GNA13: variants seen among roughly 807,000 people sequenced by gnomAD.
The protein encoded by GNA13 is G protein subunit alpha 13.
In GNA13, 4 loss-of-function variants were observed where a neutral mutation model predicts 33.5. That is an observed-to-expected ratio of 0.12 (90% CI 0.06 to 0.27). The LOEUF (loss-of-function observed/expected upper bound fraction) is 0.27. GNA13 is among the 10% of genes least tolerant of loss of function. The pLI is 1.00. For missense variants in GNA13, 319 were observed against 487.2 expected, an observed-to-expected ratio of 0.65 and a Z score of 3.25; for synonymous variants, 176 against 183.8, an observed-to-expected ratio of 0.96 and a Z score of 0.34.
At chr17:65,021,880 C>A (rs1862066182) in intron 2 of GNA13, among the ~76,000 whole-genome samples, 1 of 152,170 alleles carries the variant, frequency 6.6e-6, no homozygotes, top group South Asian at 2.1e-4. Flanking sequence ...AGCAATTTGG[C>A]AATATGTATT....
At chr17:65,028,407 CAAAA>C (rs1184832409) in intron 2 of GNA13, among the ~76,000 whole-genome samples, 1 of 54,104 alleles carries the variant, frequency 1.8e-5, no homozygotes, top group Non-Finnish European at 4.0e-5. Context: ...AGGCTGTCTC[CAAAA>C]AAAAAAAAAA....
In GNA13 at chr17:65,045,981, A is replaced by C. The variant is rs1416939711; in HGVS notation, c.510+7521T>G. Among the ~76,000 whole-genome samples, 8 of 152,224 alleles carry C rather than the reference A, an allele frequency of 5.3e-5. No individual in the cohort carries two copies. In the East Asian group the frequency reaches 1.5e-3, roughly 29 times the overall value. On this transcript the variant is annotated intron_variant, in intron 2 of 3. Coordinates refer to ENST00000439174, the MANE Select transcript of GNA13 (RefSeq NM_006572.6). ...TGGCCAGAGCTGTGGACTAGGAGTCAGCAGATTGGGACTGCGGTGTCTATT... is the reference window on the plus strand; with the variant it reads ...TGGCCAGAGCTGTGGACTAGGAGTCCGCAGATTGGGACTGCGGTGTCTATT...
At chr17:65,040,053 G>A (rs1439117288) in intron 2 of GNA13, among the ~76,000 whole-genome samples, 1 of 151,786 alleles carries the variant, frequency 6.6e-6, no homozygotes, top group African/African-American at 2.4e-5. Context: ...ACCAGAAAAA[G>A]TATTTCTATA....
intron 2 of GNA13, among the ~76,000 whole-genome samples, chr17:65,028,714 GA>G (rs1906893861): frequency 6.6e-6 from 1 of 152,060 alleles, no homozygotes; most frequent in African/African-American, 2.4e-5. Context: ...AGGTCACCAA[GA>G]AAGATGAAAG....
chr17:65,014,212 C>A lies in GNA13; in HGVS notation c.*45G>T. ...TTTAAAAAACAAAACAAACAGAAAACATCAAAAACACAAAAAGATATTAAA... is the reference window on the plus strand; with the variant it reads ...TTTAAAAAACAAAACAAACAGAAAAAATCAAAAACACAAAAAGATATTAAA... On this transcript the variant is annotated 3_prime_UTR_variant, in exon 4 of 4. Coordinates refer to ENST00000439174, the MANE Select transcript of GNA13 (RefSeq NM_006572.6). The surrounding 1 kb of genome is among the most constrained non-coding windows in gnomAD (Gnocchi z 5.3). The A allele has an allele frequency of 8.8e-7, 1 of 1,142,522 alleles. No homozygotes were observed. The highest frequency in any genetic ancestry group is 1.4e-5 in the South Asian group (1 of 71,616). 70.8% of individuals were successfully genotyped at this position (1,142,522 alleles called of 1,614,324 possible). A position where few individuals can be genotyped will look rare whatever the true frequency, so the allele number is the denominator to read the frequency against.
intron 2 of GNA13, among the ~76,000 whole-genome samples, chr17:65,020,534 C>T (rs1366412679): frequency 6.6e-6 from 1 of 152,090 alleles, no homozygotes; most frequent in Non-Finnish European, 1.5e-5. Flanking sequence ...ACGTTCTTTG[C>T]TAATAAATAA....
intron 2 of GNA13, among the ~76,000 whole-genome samples, chr17:65,038,077 C>T (rs796865587): frequency 5.3e-5 from 8 of 152,226 alleles, no homozygotes; most frequent in African/African-American, 1.7e-4. Context: ...CCTCAACAAA[C>T]CCATCACTTA....
chr17:65,020,549 T>C (rs192420042), intron 2 of GNA13, among the ~76,000 whole-genome samples: 28 of 152,346 alleles, frequency 1.8e-4, no homozygotes, highest in Non-Finnish European at 4.1e-4. Context: ...AAATAAAGGA[T>C]TTAATGTATT....
intron 2 of GNA13, among the ~76,000 whole-genome samples, chr17:65,031,921 A>AGAGAGAGAGAGAGAGTGTGT (rs770161529): frequency 1.1e-5 from 1 of 91,716 alleles, no homozygotes; most frequent in Non-Finnish European, 2.2e-5. Context: ...AGAGAGAGAG[A>AGAGAGAGAGAGAGAGTGTGT]GTGTGTGTGT....
intron 2 of GNA13, 124 bp from the exon 3 acceptor site, chr17:65,018,427 T>G (rs987326821): frequency 3.0e-6 from 2 of 676,312 alleles, no homozygotes; most frequent in African/African-American, 3.6e-5. Flanking sequence ...GTCACCAATT[T>G]CAGACAGCTA....
chr17:65,024,069 C>A (rs1443349767), intron 2 of GNA13, among the ~76,000 whole-genome samples: 1 of 152,146 alleles, frequency 6.6e-6, no homozygotes. Flanking sequence ...ACCTAGGCAA[C>A]ATACTGAGAC....
chr17:65,035,008 C>T (rs948526746), intron 2 of GNA13, among the ~76,000 whole-genome samples: 5 of 152,044 alleles, frequency 3.3e-5, no homozygotes, highest in South Asian at 2.1e-4. Flanking sequence ...TGGTCTTGAA[C>T]GCCCGACCTC....
intron 2 of GNA13, among the ~76,000 whole-genome samples, chr17:65,036,175 C>T (rs1907238861): frequency 6.6e-6 from 1 of 152,198 alleles, no homozygotes; most frequent in Non-Finnish European, 1.5e-5. Context: ...CTATAAGGAG[C>T]ACTAAATACT....
chr17:65,018,740 T>C (rs2143773824), intron 2 of GNA13, among the ~76,000 whole-genome samples: 1 of 152,212 alleles, frequency 6.6e-6, no homozygotes, highest in Non-Finnish European at 1.5e-5. Context: ...AAACCAGAGA[T>C]GAGGTAAGAA....
At chr17:65,023,088 A>G (rs986939460) in intron 2 of GNA13, among the ~76,000 whole-genome samples, 1 of 152,250 alleles carries the variant, frequency 6.6e-6, no homozygotes, top group African/African-American at 2.4e-5. Flanking sequence ...GTGTGAGAGT[A>G]TTTTCAGAGA....
chr17:65,047,124 C>T (rs566300531), intron 2 of GNA13, among the ~76,000 whole-genome samples: 3 of 152,218 alleles, frequency 2.0e-5, no homozygotes, highest in Non-Finnish European at 4.4e-5. Flanking sequence ...TCATTTTTAA[C>T]GTAAATAAAC....
At chr17:65,020,557 A>G (rs1242838992) in intron 2 of GNA13, among the ~76,000 whole-genome samples, 2 of 152,042 alleles carry the variant, frequency 1.3e-5, no homozygotes, top group Admixed American at 1.3e-4. Context: ...GATTTAATGT[A>G]TTGTGCAAGA....
At chr17:65,031,919 A>T (rs62062473) in intron 2 of GNA13, among the ~76,000 whole-genome samples, 1,439 of 125,234 alleles carry the variant, frequency 0.011, 14 homozygotes, top group African/African-American at 0.026. Context: ...AGAGAGAGAG[A>T]GAGTGTGTGT....
At chr17:65,020,677 G>A (rs1466504012) in intron 2 of GNA13, among the ~76,000 whole-genome samples, 3 of 151,260 alleles carry the variant, frequency 2.0e-5, no homozygotes, top group South Asian at 4.2e-4. Flanking sequence ...TTGAGACAGG[G>A]TCTCAATCTG....
Sources: gnomAD v4.1 joint callset for allele counts (sites outside exome capture counted in the v4.1 genomes callset) on GRCh38, gnomAD v4.1.1 for gene constraint, Gnocchi (gnomAD v3.1) non-coding constraint, MANE v1.5 for transcripts, NCBI Gene and HGNC (gene_info 2026-07-23, HGNC 2026-07-21) for gene names.